Variants in DMAC2 observed in about 807,000 individuals in gnomAD.
DMAC2 encodes distal membrane arm assembly component 2.
DMAC2 carries 32 observed loss-of-function variants against 29.6 expected under a neutral mutation model. The observed-to-expected ratio is 1.08, with a 90% confidence interval of 0.81 to 1.45. The LOEUF (loss-of-function observed/expected upper bound fraction) is 1.45. Among genes scored for constraint, DMAC2 ranks in the 40% most tolerant of loss-of-function variants. The probability of loss-of-function intolerance (pLI) is 0.00; values close to 1 mark genes in which losing one functional copy is unlikely to be tolerated. For synonymous variants in DMAC2, 133 were observed against 137.4 expected (o/e 0.97, Z 0.23); for missense variants, 319 against 340.0 (o/e 0.94, Z 0.49).
chr19:41,432,472 G>A, intron 5 of DMAC2, 64 bp from the exon 6 acceptor site: 3 of 1,523,020 alleles, frequency 2.0e-6, no homozygotes, highest in Admixed American at 1.7e-5. Context: ...GTGTAGGGAG[G>A]TACAGGACAG....
intron 1 of DMAC2, chr19:41,439,479 T>C (rs1555772313): frequency 6.5e-7 from 1 of 1,537,034 alleles, no homozygotes; most frequent in South Asian, 1.2e-5. Context: ...CTTACATTCA[T>C]CCTTCGGTCT....
intron 1 of DMAC2, chr19:41,439,545 A>T: frequency 4.6e-6 from 7 of 1,536,144 alleles, no homozygotes; most frequent in Non-Finnish European, 6.1e-6. Context: ...CTTATCCTAC[A>T]GGCCCCACCC....
At chr19:41,433,191 C>T in intron 5 of DMAC2, 81 bp downstream of exon 5, 1 of 1,442,664 alleles carries the variant, frequency 6.9e-7, no homozygotes, top group Non-Finnish European at 9.2e-7. Flanking sequence ...CTAACATTGC[C>T]CCTCCCCACT....
intron 3 of DMAC2, among the ~76,000 whole-genome samples, chr19:41,435,524 C>A (rs530322899): frequency 6.6e-6 from 1 of 152,276 alleles, no homozygotes; most frequent in East Asian, 1.9e-4. Context: ...CCAGCCTCGG[C>A]CTCCCAAAGT....
chr19:41,438,943 GTGAT>G (rs2040013076), intron 1 of DMAC2: 1 of 112,174 alleles, frequency 8.9e-6, no homozygotes, highest in Non-Finnish European at 1.7e-5. Context: ...GGATATTTTT[GTGAT>G]TTTTTTTTTT....
rs1555772292 is a variant in DMAC2 at position 41,439,434 on chromosome 19, T to G, written c.18+448A>C. The G allele has an allele frequency of 2.0e-6, 3 of 1,498,882 alleles. No homozygotes were observed. In the Admixed American group the frequency reaches 5.9e-5, roughly 30 times the overall value. The allele number at this position is 1,498,882 out of a possible 1,614,324, so 92.8% of individuals were successfully genotyped here. The stretch of plus-strand genomic sequence containing the variant: ...CCCCCACCCATCATGCTTTTGAGTT[T>G]TCTGTAAAAATTCGTCAATCTCCCA... On this transcript the variant is annotated intron_variant, in intron 1 of 5. Transcript: ENST00000221943.
In DMAC2 at chr19:41,432,619, TGTG is replaced by T. The variant is rs1264384654; in HGVS notation, c.597-214_597-212del. On this transcript the variant is annotated intron_variant, in intron 5 of 5. Coordinates refer to ENST00000221943, the MANE Select transcript of DMAC2 (RefSeq NM_018035.3). Reference sequence around the variant, plus strand: ...GAGGTAAGCCAGTGTAAGGACAGCATGTGTGTGTGTGTGTGTAGGGAGGTACAG... The same window carrying T: ...GAGGTAAGCCAGTGTAAGGACAGCATTGTGTGTGTGTGTAGGGAGGTACAG... The T allele has an allele frequency of 5.4e-5, 17 of 317,384 alleles. No homozygotes were observed. The East Asian group carries it at 1.1e-3, about 21-fold the overall frequency. The allele number at this position is 317,384 out of a possible 1,614,324, so 19.7% of individuals were successfully genotyped here. A position where few individuals can be genotyped will look rare whatever the true frequency, so the allele number is the denominator to read the frequency against.
At chr19:41,432,869 CGTGTGTGTGT>C (rs144379734) in intron 5 of DMAC2, 6 of 396,178 alleles carry the variant, frequency 1.5e-5, no homozygotes, top group African/African-American at 1.3e-4. Context: ...TGTGTGCGTG[CGTGTGTGTGT>C]GTGCGTGCGT....
At chr19:41,432,609 A>T in intron 5 of DMAC2, 3 of 426,412 alleles carry the variant, frequency 7.0e-6, no homozygotes, top group Non-Finnish European at 1.2e-5. Flanking sequence ...AAGCCAGTGT[A>T]AGGACAGCAT....
chr19:41,436,038 G>C (rs1341348782), intron 3 of DMAC2, among the ~76,000 whole-genome samples: 1 of 152,030 alleles, frequency 6.6e-6, no homozygotes, highest in Non-Finnish European at 1.5e-5. Context: ...ACCACGCCCA[G>C]CTAAGTTTTG....
At chr19:41,439,611 G>C in intron 1 of DMAC2, 1 of 1,491,642 alleles carries the variant, frequency 6.7e-7, no homozygotes, top group Non-Finnish European at 9.0e-7. Flanking sequence ...TAGTCGCGTC[G>C]CTCTTCGGCA....
At chr19:41,439,612 C>A in intron 1 of DMAC2, 2 of 1,493,914 alleles carry the variant, frequency 1.3e-6, no homozygotes, top group Non-Finnish European at 9.0e-7. Flanking sequence ...AGTCGCGTCG[C>A]TCTTCGGCAG....
chr19:41,439,192 A>T (rs1016435635), intron 1 of DMAC2: 1 of 380,680 alleles, frequency 2.6e-6, no homozygotes, highest in Non-Finnish European at 4.8e-6. Context: ...AATCTACCCC[A>T]ATTTCTCTTT....
At chr19:41,437,715 G>A (rs1211554521) in intron 2 of DMAC2, among the ~76,000 whole-genome samples, 2 of 150,734 alleles carry the variant, frequency 1.3e-5, no homozygotes, top group African/African-American at 4.9e-5. Flanking sequence ...AAAAAAAAAA[G>A]AGTATGGGAA....
chr19:41,433,299 C>G lies in DMAC2; in HGVS notation c.569G>C (p.Arg190Pro), dbSNP rs782057190. 3.1e-6 allele frequency: 5 copies of G among 1,610,508 alleles called. No homozygotes were observed. Among genetic ancestry groups the G allele is most frequent in the Non-Finnish European group, 4.2e-6 (5 of 1,179,732 alleles). The change falls in exon 5 of 6, where the codon CGG becomes CCG. Residue 190 changes from arginine (R) to proline (P), a missense_variant. By Grantham distance (103) the Arg-to-Pro change is moderately radical. Coordinates refer to ENST00000221943, the MANE Select transcript of DMAC2 (RefSeq NM_018035.3). ...SLAGCPRISE[R>P]GLACLHHLQN... ...GAGGTGGTGGAGGCAGGCGAGGCCC[C>G]GTTCGGAGATGCGGGGGCAACCGGC...
intron 1 of DMAC2, chr19:41,439,062 C>T (rs1338163928): frequency 5.2e-6 from 1 of 193,852 alleles, no homozygotes; most frequent in African/African-American, 2.4e-5. Flanking sequence ...ATTGGACACC[C>T]CTGAACCGAG....
chr19:41,432,783 C>CGTGT (rs374254190), intron 5 of DMAC2: 24,975 of 301,336 alleles, frequency 0.083, 863 homozygotes, highest in Non-Finnish European at 0.091. Context: ...GGACAGCGTG[C>CGTGT]GTGTGTGTGT....
At chr19:41,439,777 G>T in intron 1 of DMAC2, 105 bp downstream of exon 1, 2 of 1,564,752 alleles carry the variant, frequency 1.3e-6, no homozygotes, top group South Asian at 2.2e-5. Context: ...GGCTTAGCCT[G>T]CTGCCTCACG....
chr19:41,435,352 C>A (rs1161692985), intron 3 of DMAC2, among the ~76,000 whole-genome samples: 2 of 152,100 alleles, frequency 1.3e-5, no homozygotes, highest in Admixed American at 1.3e-4. Context: ...TCATTGCAAC[C>A]TCTGCATCCC....
Sources: allele counts gnomAD v4.1 joint callset (sites outside exome capture counted in the v4.1 genomes callset), GRCh38; gene constraint gnomAD v4.1.1; transcripts MANE v1.5; gene names NCBI Gene and HGNC (gene_info 2026-07-23, HGNC 2026-07-21).